GPA33: variants seen among roughly 807,000 people sequenced by gnomAD.
GPA33 encodes the protein glycoprotein A33.
In GPA33, 27 loss-of-function variants were observed where a neutral mutation model predicts 35.6. The ratio of observed to expected loss-of-function variants is 0.76; its 90% CI spans 0.56 to 1.04. The LOEUF (loss-of-function observed/expected upper bound fraction) is 1.04, where lower values mean the gene tolerates loss of function less well. Among genes scored for constraint, GPA33 ranks in the 50% least tolerant of loss-of-function variants. GPA33 has a pLI of 0.00. For missense variants in GPA33, 428 were observed against 411.9 expected (o/e 1.04, Z -0.34); for synonymous variants, 176 against 164.0 (o/e 1.07, Z -0.56).
intron 1 of GPA33, among the ~76,000 whole-genome samples, chr1:167,074,576 TG>T (rs1231274440): frequency 6.6e-6 from 1 of 152,152 alleles, no homozygotes; most frequent in Non-Finnish European, 1.5e-5. Context: ...TTTTAAGTAC[TG>T]AGTTTTGGGG....
intron 1 of GPA33, among the ~76,000 whole-genome samples, 173 bp from the exon 2 acceptor site, chr1:167,073,712 C>A (rs143273356): frequency 6.6e-6 from 1 of 152,200 alleles, no homozygotes; most frequent in Non-Finnish European, 1.5e-5. Flanking sequence ...TCCAAGACTG[C>A]GATGAGGACA....
chr1:167,077,232 C>G (rs1666841759), intron 1 of GPA33, among the ~76,000 whole-genome samples: 1 of 151,888 alleles, frequency 6.6e-6, no homozygotes, highest in African/African-American at 2.4e-5. Flanking sequence ...GAAGAAAACA[C>G]ATTAGTCATC....
rs1163486715 is a variant in GPA33 at position 167,081,837 on chromosome 1, C to T, written c.44-8298G>A. 2.0e-5 allele frequency among the ~76,000 whole-genome samples: 3 copies of T among 152,218 alleles called. No homozygotes were observed. In the South Asian group the frequency reaches 6.2e-4, roughly 31 times the overall value. Reference sequence around the variant, plus strand: ...TCTCAGGCTTCTCTTATATCCACCACTTGCCGGCTTTACCTGCCAGGTGTC... The same window carrying T: ...TCTCAGGCTTCTCTTATATCCACCATTTGCCGGCTTTACCTGCCAGGTGTC... On this transcript the variant is annotated intron_variant, in intron 1 of 6. Coordinates refer to ENST00000367868, the MANE Select transcript of GPA33 (RefSeq NM_005814.3).
Position 167,054,145 on chromosome 1 carries a change from G to A in GPA33, c.*189C>T, listed in dbSNP as rs1666176740. ...GTTACTTCACAGGACAGTGAGGTCA[G>A]CAGGATCAGCACAGGGACCCCCTTA... On this transcript the variant is annotated 3_prime_UTR_variant, in exon 7 of 7. Transcript: ENST00000367868. 2 of 692,852 alleles carry A rather than the reference G, an allele frequency of 2.9e-6. No homozygotes were observed. The highest frequency in any genetic ancestry group is 2.4e-6 in the Non-Finnish European group (1 of 418,958). 42.9% of individuals were successfully genotyped at this position (692,852 alleles called of 1,614,324 possible). A position where few individuals can be genotyped will look rare whatever the true frequency, so the allele number is the denominator to read the frequency against.
At chr1:167,075,536 A>G (rs1188443563) in intron 1 of GPA33, among the ~76,000 whole-genome samples, 1 of 152,208 alleles carries the variant, frequency 6.6e-6, no homozygotes, top group Non-Finnish European at 1.5e-5. Context: ...GGAAGGAGGA[A>G]GTTTCAGGGG....
intron 4 of GPA33, among the ~76,000 whole-genome samples, chr1:167,059,016 C>A (rs1413302887): frequency 6.6e-6 from 1 of 152,192 alleles, no homozygotes; most frequent in East Asian, 1.9e-4. Flanking sequence ...GAAGCTCGGA[C>A]TCTGGATTTA....
chr1:167,054,341 T>G lies in GPA33; in HGVS notation c.953A>C (p.Asp318Ala). The change falls in exon 7 of 7, where the codon GAC becomes GCC. Residue 318 changes from aspartate (D) to alanine (A), a missense_variant. Asp to Ala is a moderately radical substitution (Grantham distance 126). Coordinates refer to ENST00000367868, the MANE Select transcript of GPA33 (RefSeq NM_005814.3). ...CCCTCTGCTGCTGGCCTGTCACTGG[T>G]CGAGGTGGTCCGGGGATTCACGCCC... is the stretch of plus-strand genomic sequence containing the variant. ...STGRESPDHL[D>A]Q 1 of 1,614,052 alleles carries G rather than the reference T, an allele frequency of 6.2e-7. No individual in the cohort carries two copies. Among genetic ancestry groups the G allele is most frequent in the Non-Finnish European group, 8.5e-7 (1 of 1,179,974 alleles).
chr1:167,056,875 G>GTA (rs1666314399), intron 4 of GPA33, among the ~76,000 whole-genome samples: 2 of 75,582 alleles, frequency 2.6e-5, no homozygotes, highest in Middle Eastern at 5.7e-3. Flanking sequence ...GTGGTGTGTG[G>GTA]TGTGTGTGGT....
chr1:167,086,975 G>A (rs972027683), intron 1 of GPA33, among the ~76,000 whole-genome samples: 6 of 152,074 alleles, frequency 3.9e-5, no homozygotes, highest in Non-Finnish European at 8.8e-5. Context: ...GTCTCCTGGA[G>A]CTTGCCTCTT....
chr1:167,058,415 G>T (rs1571304200), intron 4 of GPA33: 1 of 152,256 alleles, frequency 6.6e-6, no homozygotes, highest in East Asian at 1.9e-4. Context: ...GATGGTTACA[G>T]TTCAAGATGG....
chr1:167,060,595 C>G (rs1160515946), intron 4 of GPA33, among the ~76,000 whole-genome samples: 2 of 146,552 alleles, frequency 1.4e-5, no homozygotes, highest in Admixed American at 1.3e-4. Flanking sequence ...ATTAAAGAAG[C>G]AATTCTCTTT....
At chr1:167,056,655 G>A (rs1392634259) in intron 4 of GPA33, among the ~76,000 whole-genome samples, 9 of 21,834 alleles carry the variant, frequency 4.1e-4, no homozygotes, top group Admixed American at 4.6e-4. Flanking sequence ...TGTAGTGTGT[G>A]TGGTACGGTG....
Position 167,063,700 on chromosome 1 carries a change from C to G in GPA33, c.453G>C (p.Glu151Asp). The G allele has an allele frequency of 6.2e-7, 1 of 1,613,520 alleles. No individual in the cohort carries two copies. Among genetic ancestry groups the G allele is most frequent in the Non-Finnish European group, 8.5e-7 (1 of 1,179,996 alleles). The stretch of plus-strand genomic sequence containing the variant: ...GCTGGATGTTGTTCCCAATTATGGT[C>G]TCTCCCTCGATGCCGCATTCTGGTT... ...PSKPECGIEG[E>D]TIIGNNIQLT... The change falls in exon 4 of 7, where the codon GAG (glutamate) becomes GAC (aspartate). Residue 151 changes from glutamate to aspartate, a missense_variant. Glu to Asp is a conservative substitution (Grantham distance 45, BLOSUM62 2). Coordinates refer to ENST00000367868, the MANE Select transcript of GPA33 (RefSeq NM_005814.3).
intron 1 of GPA33, among the ~76,000 whole-genome samples, chr1:167,088,069 C>G (rs1456324262): frequency 6.6e-6 from 1 of 152,164 alleles, no homozygotes; most frequent in Non-Finnish European, 1.5e-5. Context: ...AGTCTTGAGG[C>G]CCATTCATCA....
Position 167,055,006 on chromosome 1 carries a change from T to C in GPA33, c.797A>G (p.Asp266Gly). 1.2e-6 allele frequency: 2 copies of C among 1,613,992 alleles called. No homozygotes were observed. Among genetic ancestry groups the C allele is most frequent in the South Asian group, 2.2e-5 (2 of 91,012 alleles). Residue 266 changes from aspartate to glycine, a missense_variant, in exon 6 of 7, where the codon GAC (aspartate) becomes GGC (glycine). Physicochemically the swap from Asp to Gly is moderately conservative, Grantham distance 94 (BLOSUM62 -1). Coordinates refer to ENST00000367868, the MANE Select transcript of GPA33 (RefSeq NM_005814.3). ...IYCCCCRGKD[D>G]NTEDKEDARP... The stretch of plus-strand genomic sequence containing the variant: ...TGCATCCTCCTTGTCTTCAGTGTTG[T>C]CGTCCTTCCCTCGGCAGCAGCAGCA...
intron 4 of GPA33, among the ~76,000 whole-genome samples, chr1:167,056,623 A>ATG (rs1666271092): frequency 0.012 from 24 of 2,012 alleles, no homozygotes; most frequent in East Asian, 0.028. Context: ...GTGTGTGGTG[A>ATG]GTGTGTGATG....
chr1:167,087,233 G>A (rs957120048), intron 1 of GPA33, among the ~76,000 whole-genome samples: 1 of 148,442 alleles, frequency 6.7e-6, no homozygotes, highest in Non-Finnish European at 1.5e-5. Flanking sequence ...TCGGATAATT[G>A]GTCACCAAAG....
intron 4 of GPA33, 95 bp downstream of exon 4, chr1:167,063,487 A>T: frequency 9.2e-7 from 1 of 1,091,856 alleles, no homozygotes; most frequent in Non-Finnish European, 1.3e-6. Context: ...CTTCAGGGGG[A>T]TCTGATCGGT....
intron 4 of GPA33, among the ~76,000 whole-genome samples, chr1:167,061,567 C>T (rs1278449664): frequency 7.0e-6 from 1 of 143,102 alleles, no homozygotes; most frequent in Non-Finnish European, 1.5e-5. Context: ...TAAGTTAGGT[C>T]GAGTGGATTC....
Sources: allele counts gnomAD v4.1 joint callset (sites outside exome capture counted in the v4.1 genomes callset), GRCh38; gene constraint gnomAD v4.1.1; transcripts MANE v1.5; gene names NCBI Gene and HGNC (gene_info 2026-07-23, HGNC 2026-07-21).